The following BEND6 variants were observed in gnomAD, a reference collection of about 807,000 sequenced individuals.
The protein encoded by BEND6 is BEN domain containing 6.
A neutral mutation model predicts 31.8 loss-of-function variants in BEND6; 24 were observed. The observed-to-expected ratio is 0.75, with a 90% CI of 0.55 to 1.06. The LOEUF is 1.06. BEND6 is among the 50% of genes least tolerant of loss of function. The probability of loss-of-function intolerance (pLI) is 0.00; values close to 1 mark genes in which losing one functional copy is unlikely to be tolerated. For synonymous variants in BEND6, 109 were observed against 114.6 expected, an observed-to-expected ratio of 0.95 and a Z score of 0.31; for missense variants, 294 against 327.4, an observed-to-expected ratio of 0.90 and a Z score of 0.79.
chr6:56,973,333 A>G (rs1219523019), intron 1 of BEND6, among the ~76,000 whole-genome samples: 1 of 152,190 alleles, frequency 6.6e-6, no homozygotes, highest in Non-Finnish European at 1.5e-5. Context: ...GAGGGTGCAT[A>G]CTGTGTCTCT....
chr6:57,001,651 G>A (rs1282239925), intron 3 of BEND6, among the ~76,000 whole-genome samples: 2 of 152,106 alleles, frequency 1.3e-5, no homozygotes, highest in African/African-American at 4.8e-5. Context: ...AAGCTTCATC[G>A]GTGAAGGAGA....
At chr6:57,009,602 A>G (rs761494576) in intron 3 of BEND6, 2 of 152,160 alleles carry the variant, frequency 1.3e-5, no homozygotes, top group Non-Finnish European at 2.9e-5. Context: ...AATATACAAA[A>G]TGAGACTTGT....
At chr6:57,019,970 A>G (rs1485979590) in intron 6 of BEND6, among the ~76,000 whole-genome samples, 1 of 152,142 alleles carries the variant, frequency 6.6e-6, no homozygotes, top group East Asian at 1.9e-4. Context: ...GTGGTAGTGC[A>G]CACCTGTAGT....
intron 3 of BEND6, chr6:57,010,381 G>A (rs1182751467): frequency 2.0e-5 from 3 of 152,162 alleles, no homozygotes; most frequent in African/African-American, 4.8e-5. Context: ...ATCTTGATTC[G>A]AACAAACTTA....
intron 3 of BEND6, among the ~76,000 whole-genome samples, chr6:57,000,785 G>T (rs1016700036): frequency 3.1e-4 from 47 of 150,348 alleles, no homozygotes; most frequent in African/African-American, 1.1e-3. Context: ...CCCACTTTCT[G>T]TGCTAGTTTT....
intron 3 of BEND6, among the ~76,000 whole-genome samples, chr6:57,002,787 C>T (rs1372312663): frequency 6.6e-6 from 1 of 151,826 alleles, no homozygotes; most frequent in Non-Finnish European, 1.5e-5. Flanking sequence ...TCTAACATTA[C>T]ACCTAGAGAA....
intron 1 of BEND6, among the ~76,000 whole-genome samples, chr6:56,972,111 T>C (rs1348066778): frequency 5.5e-4 from 78 of 141,634 alleles, no homozygotes; most frequent in African/African-American, 1.8e-3. Flanking sequence ...TTTTTTTTTT[T>C]TGAGACAGAG....
intron 1 of BEND6, among the ~76,000 whole-genome samples, chr6:56,971,180 C>T (rs1825676224): frequency 6.6e-6 from 1 of 152,150 alleles, no homozygotes; most frequent in African/African-American, 2.4e-5. Context: ...CTTTCCGTCT[C>T]TATGAATTTG....
intron 1 of BEND6, among the ~76,000 whole-genome samples, chr6:56,977,239 TTAAA>T (rs1258953769): frequency 6.6e-6 from 1 of 152,194 alleles, no homozygotes; most frequent in Admixed American, 6.5e-5. Flanking sequence ...CAATAATCAA[TTAAA>T]TAACAAGCAA....
At position 57,027,328 on chromosome 6, in the gene BEND6, T is replaced by A. The variant is rs1252437172; in HGVS notation, c.*1256T>A. On this transcript the variant is annotated 3_prime_UTR_variant, in exon 7 of 7. Transcript: ENST00000370746. The stretch of plus-strand genomic sequence containing the variant: ...CTACCTTTATGTAAACATAAATAAA[T>A]CCCATTTAAAAGATAAAACTTATTT... 9 of 152,210 alleles carry A rather than the reference T, an allele frequency of 5.9e-5. No individual in the cohort carries two copies. The highest frequency in any genetic ancestry group is 1.2e-4 in the African/African-American group (5 of 41,454). 9.4% of individuals were successfully genotyped at this position (152,210 alleles called of 1,614,324 possible).
intron 3 of BEND6, 62 bp downstream of exon 3, chr6:56,992,617 T>C (rs1826548551): frequency 6.7e-7 from 1 of 1,492,610 alleles, no homozygotes; most frequent in African/African-American, 1.4e-5. Context: ...GTGGAAAGTA[T>C]TGCAAATTAG....
At chr6:56,956,520 A>G (rs1825035487) in intron 1 of BEND6, among the ~76,000 whole-genome samples, 2 of 152,258 alleles carry the variant, frequency 1.3e-5, no homozygotes, top group African/African-American at 4.8e-5. Flanking sequence ...AAAACAACAG[A>G]TACGTTTTGT....
chr6:56,976,124 T>C (rs933588364), intron 1 of BEND6: 10 of 247,420 alleles, frequency 4.0e-5, no homozygotes, highest in Non-Finnish European at 7.3e-5. Flanking sequence ...GAAACAATTA[T>C]TTAATTTATT....
chr6:56,990,249 CTTTTTTTTTT>C (rs943959318), intron 2 of BEND6, among the ~76,000 whole-genome samples: 6 of 110,168 alleles, frequency 5.4e-5, no homozygotes, highest in African/African-American at 1.0e-4. Context: ...CCACTCGCTT[CTTTTTTTTTT>C]TTTTTTTTTT....
At chr6:56,998,402 G>A (rs887050798) in intron 3 of BEND6, among the ~76,000 whole-genome samples, 1 of 152,158 alleles carries the variant, frequency 6.6e-6, no homozygotes, top group East Asian at 1.9e-4. Flanking sequence ...ATGTGTGTGT[G>A]TGTTAAGTAT....
intron 3 of BEND6, among the ~76,000 whole-genome samples, chr6:57,001,088 A>G (rs1008706728): frequency 6.6e-6 from 1 of 151,986 alleles, no homozygotes; most frequent in Non-Finnish European, 1.5e-5. Flanking sequence ...GCTACATCCT[A>G]TACAAAATGA....
chr6:57,016,540 G>T (rs1827566354), intron 4 of BEND6, among the ~76,000 whole-genome samples: 1 of 152,116 alleles, frequency 6.6e-6, no homozygotes, highest in Admixed American at 6.6e-5. Flanking sequence ...TTTCTTGCTG[G>T]TTGTAAACTG....
chr6:56,991,478 T>C (rs1826497887), intron 2 of BEND6, among the ~76,000 whole-genome samples: 1 of 151,868 alleles, frequency 6.6e-6, no homozygotes, highest in African/African-American at 2.4e-5. Flanking sequence ...TTTAATCAGG[T>C]GATCATCCAG....
intron 3 of BEND6, chr6:57,008,867 A>C (rs1827253790): frequency 6.6e-6 from 1 of 152,280 alleles, no homozygotes; most frequent in African/African-American, 2.4e-5. Context: ...ACAATAGATA[A>C]CATAGGGAAT....
Sources: allele counts gnomAD v4.1 joint callset (sites outside exome capture counted in the v4.1 genomes callset), GRCh38; gene constraint gnomAD v4.1.1; transcripts MANE v1.5; gene names NCBI Gene and HGNC (gene_info 2026-07-23, HGNC 2026-07-21).